The following RIMBP2 variants were observed in gnomAD, a reference collection of about 807,000 sequenced individuals.
RIMBP2 encodes RIMS-binding protein 2.
In RIMBP2, 48 loss-of-function variants were observed where a neutral mutation model predicts 118.6. The ratio of observed to expected loss-of-function variants is 0.40; its 90% confidence interval spans 0.32 to 0.51. The LOEUF (loss-of-function observed/expected upper bound fraction) is 0.51. RIMBP2 is among the 20% of genes least tolerant of loss of function. The probability of loss-of-function intolerance (pLI) is 0.41; values close to 1 mark genes in which losing one functional copy is unlikely to be tolerated. For synonymous variants in RIMBP2, 762 were observed against 742.9 expected, an observed-to-expected ratio of 1.03 and a Z score of -0.42; for missense variants, 1,551 against 1,768.3, an observed-to-expected ratio of 0.88 and a Z score of 2.20.
chr12:130,685,618 G>T (rs528758220), intron 1 of RIMBP2, among the ~76,000 whole-genome samples: 2 of 152,144 alleles, frequency 1.3e-5, no homozygotes, highest in Non-Finnish European at 2.9e-5. Flanking sequence ...TGTGGCCGCC[G>T]TGGCTCATGG....
In RIMBP2 at chr12:130,397,312, G is replaced by C; in HGVS notation, c.*49C>G. 2.5e-6 allele frequency: 1 copy of C among 398,508 alleles called. No homozygotes were observed. The highest frequency in any genetic ancestry group is 4.4e-6 in the Non-Finnish European group (1 of 225,936). The allele number at this position is 398,508 out of a possible 1,614,324, so 24.7% of individuals were successfully genotyped here. On this transcript the variant is annotated 3_prime_UTR_variant, in exon 23 of 23. Transcript: ENST00000690449. Reference sequence around the variant, plus strand: ...CTTGAGTCATGAAAGCCCTAGTTTGGAATTAAAGAAAATTACATAGATTTG... The same window carrying C: ...CTTGAGTCATGAAAGCCCTAGTTTGCAATTAAAGAAAATTACATAGATTTG...
At chr12:130,709,727 C>G (rs371527301) in intron 1 of RIMBP2, among the ~76,000 whole-genome samples, 4 of 152,166 alleles carry the variant, frequency 2.6e-5, no homozygotes, top group East Asian at 3.9e-4. Context: ...TGAGGAAACC[C>G]CCCCCCTTCC....
chr12:130,666,792 A>AAGGAG, intron 1 of RIMBP2, among the ~76,000 whole-genome samples: 1 of 93,980 alleles, frequency 1.1e-5, no homozygotes, highest in Admixed American at 1.3e-4. Flanking sequence ...GAAGGGAGGG[A>AAGGAG]TGGAGGGAGG....
rs1305504375 is a variant in RIMBP2, at chr12:130,646,440, T to TCACCGCC, written c.-351-17985_-351-17984insGGCGGTG. On this transcript the variant is annotated intron_variant, in intron 1 of 22. Transcript: ENST00000690449. ...CTCACCACTTCCCTCTCCACCTCCC[T>TCACCGCC]TGCCACCTCCCTCGCCACCTCCCTC... 1.8e-5 allele frequency among the ~76,000 whole-genome samples: 2 copies of TCACCGCC among 111,080 alleles called. 1 individual carries two copies. The highest frequency in any genetic ancestry group is 4.1e-5 in the Non-Finnish European group (2 of 48,354). 72.9% of individuals were successfully genotyped at this position (111,080 alleles called of 152,430 possible).
Position 130,511,492 on chromosome 12 carries a change from C to T in RIMBP2, c.-126-4722G>A, listed in dbSNP as rs1197890725. On this transcript the variant is annotated intron_variant, in intron 3 of 22. Coordinates refer to ENST00000690449, the MANE Select transcript of RIMBP2 (RefSeq NM_001393629.1). This position sits in a 1 kb window ranked among gnomAD's most constrained non-coding sequence, Gnocchi z 4.3. ...CCCTAAGCCCCAGTGAGCTGGGTCCCACCCCTCCCTATTCCCCCAAGTCAA... is the reference window on the plus strand; with the variant it reads ...CCCTAAGCCCCAGTGAGCTGGGTCCTACCCCTCCCTATTCCCCCAAGTCAA... Among the ~76,000 whole-genome samples the T allele has an allele frequency of 6.6e-6, 1 of 152,218 alleles. No homozygotes were observed. The highest frequency in any genetic ancestry group is 1.5e-5 in the Non-Finnish European group (1 of 68,042).
chr12:130,491,137 G>C (rs1247607899), intron 4 of RIMBP2, among the ~76,000 whole-genome samples: 1 of 152,130 alleles, frequency 6.6e-6, no homozygotes, highest in Non-Finnish European at 1.5e-5. Context: ...ACACATCTGA[G>C]GATTACTAAG....
chr12:130,579,550 T>C (rs2058321956), intron 2 of RIMBP2, among the ~76,000 whole-genome samples: 1 of 152,208 alleles, frequency 6.6e-6, no homozygotes, highest in African/African-American at 2.4e-5. Flanking sequence ...GCTTGAATAC[T>C]TTTGCCAGAG....
intron 1 of RIMBP2, among the ~76,000 whole-genome samples, chr12:130,630,254 G>A (rs146154983): frequency 1.7e-3 from 257 of 151,700 alleles, no homozygotes; most frequent in Non-Finnish European, 2.7e-3. Context: ...ACAATCAGCT[G>A]ACTGATGCCC....
At chr12:130,713,173 A>AGAAG (rs1197744112) in intron 1 of RIMBP2, among the ~76,000 whole-genome samples, 1 of 111,902 alleles carries the variant, frequency 8.9e-6, no homozygotes, top group East Asian at 3.1e-4. Context: ...GAGTGAGAGA[A>AGAAG]GAAGGAAGGA....
chr12:130,646,781 G>T (rs2062999996), intron 1 of RIMBP2, among the ~76,000 whole-genome samples: 1 of 152,252 alleles, frequency 6.6e-6, no homozygotes, highest in Non-Finnish European at 1.5e-5. Flanking sequence ...ATTTATTGCA[G>T]GTCGCACAAC....
rs1171765804 is a variant in RIMBP2 at position 130,511,247 on chromosome 12, C to A, written c.-126-4477G>T. On this transcript the variant is annotated intron_variant, in intron 3 of 22. Transcript: ENST00000690449. This position sits in a 1 kb window ranked among gnomAD's most constrained non-coding sequence, Gnocchi z 4.3. ...AAAAAAAGGCAAGAGGAGAGACTGT[C>A]CCCCAGAGCCTCAGGAAAGCACACC... 3.3e-5 allele frequency among the ~76,000 whole-genome samples: 5 copies of A among 152,116 alleles called. No homozygotes were observed. The highest frequency in any genetic ancestry group is 1.9e-4 in the East Asian group (1 of 5,192).
chr12:130,449,553 G>A (rs1463033809), intron 9 of RIMBP2, among the ~76,000 whole-genome samples: 1 of 152,080 alleles, frequency 6.6e-6, no homozygotes, highest in African/African-American at 2.4e-5. Flanking sequence ...TTTCACTCTC[G>A]GTGGTGGGGA....
At chr12:130,600,869 C>T (rs58481716) in intron 2 of RIMBP2, among the ~76,000 whole-genome samples, 27,251 of 152,140 alleles carry the variant, frequency 0.18, 3,577 homozygotes, top group East Asian at 0.36. Flanking sequence ...GCTGCTACAA[C>T]GCTGCTTCTT....
intron 4 of RIMBP2, among the ~76,000 whole-genome samples, chr12:130,500,247 C>T (rs2049609530): frequency 6.6e-6 from 1 of 152,176 alleles, no homozygotes; most frequent in Non-Finnish European, 1.5e-5. Context: ...ATCACAAGGT[C>T]AGGAGTTCGA....
intron 2 of RIMBP2, among the ~76,000 whole-genome samples, chr12:130,613,345 A>G (rs2060680061): frequency 6.6e-6 from 1 of 152,156 alleles, no homozygotes; most frequent in South Asian, 2.1e-4. Context: ...CCAGGCTCCT[A>G]CTGCGACCTC....
intron 2 of RIMBP2, among the ~76,000 whole-genome samples, chr12:130,558,686 C>T (rs1018839526): frequency 6.6e-6 from 1 of 152,156 alleles, no homozygotes; most frequent in Non-Finnish European, 1.5e-5. Flanking sequence ...GCCAGGCGGC[C>T]CCCTTGAGAA....
Position 130,445,318 on chromosome 12 carries a change from C to A in RIMBP2, c.582-49G>T, listed in dbSNP as rs1482222972. The A allele has an allele frequency of 2.9e-6, 4 of 1,370,112 alleles. No homozygotes were observed. In the East Asian group the frequency reaches 9.3e-5, roughly 32 times the overall value. 84.9% of individuals were successfully genotyped at this position (1,370,112 alleles called of 1,614,324 possible). A position where few individuals can be genotyped will look rare whatever the true frequency, so the allele number is the denominator to read the frequency against. ...CATTAGAGGCTCTGGAGGACACAGCCCGCACCCCTGTCCGTGCAGAACGCC... is the reference window on the plus strand; with the variant it reads ...CATTAGAGGCTCTGGAGGACACAGCACGCACCCCTGTCCGTGCAGAACGCC... On this transcript the variant is annotated intron_variant, in intron 9 of 22. Transcript: ENST00000690449.
intron 1 of RIMBP2, among the ~76,000 whole-genome samples, chr12:130,641,119 A>G (rs2062598814): frequency 6.6e-6 from 1 of 152,192 alleles, no homozygotes; most frequent in African/African-American, 2.4e-5. Flanking sequence ...ATGCCAGCAC[A>G]GTGCTCTACT....
chr12:130,602,095 T>C (rs1169105405), intron 2 of RIMBP2, among the ~76,000 whole-genome samples: 1 of 152,000 alleles, frequency 6.6e-6, no homozygotes, highest in Non-Finnish European at 1.5e-5. Context: ...GGTCTGGAGT[T>C]CAAAACCAGT....
Sources: gnomAD v4.1 joint callset for allele counts (sites outside exome capture counted in the v4.1 genomes callset) on GRCh38, gnomAD v4.1.1 for gene constraint, Gnocchi (gnomAD v3.1) non-coding constraint, MANE v1.5 for transcripts, NCBI Gene and HGNC (gene_info 2026-07-23, HGNC 2026-07-21) for gene names.